LMX1A: variants seen among roughly 807,000 people sequenced by gnomAD.
LMX1A encodes the protein LIM homeobox transcription factor 1-alpha.
A neutral mutation model predicts 49.1 loss-of-function variants in LMX1A; 15 were observed. The ratio of observed to expected loss-of-function variants is 0.31; its 90% CI spans 0.20 to 0.47. The LOEUF (loss-of-function observed/expected upper bound fraction) is 0.47, where lower values mean the gene tolerates loss of function less well. Among genes scored for constraint, LMX1A ranks in the 20% least tolerant of loss-of-function variants. The pLI is 1.00. For synonymous variants in LMX1A, 167 were observed against 185.7 expected, an observed-to-expected ratio of 0.90 and a Z score of 0.82; for missense variants, 372 against 475.8, an observed-to-expected ratio of 0.78 and a Z score of 2.03.
At chr1:165,306,856 C>T (rs1399999340) in intron 3 of LMX1A, among the ~76,000 whole-genome samples, 1 of 152,202 alleles carries the variant, frequency 6.6e-6, no homozygotes, top group Non-Finnish European at 1.5e-5. Context: ...ACTCTCCAGT[C>T]CTTGTTGAAA....
intron 3 of LMX1A, among the ~76,000 whole-genome samples, chr1:165,312,059 T>C (rs543948693): frequency 6.6e-6 from 1 of 152,360 alleles, no homozygotes; most frequent in East Asian, 1.9e-4. Context: ...TGACAAATGA[T>C]AATTGCTTCT....
chr1:165,291,849 G>C (rs1010951404), intron 3 of LMX1A, among the ~76,000 whole-genome samples: 12 of 152,060 alleles, frequency 7.9e-5, no homozygotes, highest in Non-Finnish European at 1.5e-4. Context: ...GGATCACAAG[G>C]TCAGGAAATC....
At chr1:165,287,211 C>T (rs1362067091) in intron 3 of LMX1A, among the ~76,000 whole-genome samples, 1 of 152,132 alleles carries the variant, frequency 6.6e-6, no homozygotes, top group African/African-American at 2.4e-5. Context: ...TCCACCTGAT[C>T]CGGTCCAATC....
intron 3 of LMX1A, among the ~76,000 whole-genome samples, chr1:165,315,097 T>G (rs1177132207): frequency 6.6e-6 from 1 of 152,206 alleles, no homozygotes; most frequent in Non-Finnish European, 1.5e-5. Context: ...GCAAGGCACG[T>G]CTTATCAATT....
intron 3 of LMX1A, among the ~76,000 whole-genome samples, chr1:165,289,271 C>G (rs1382245254): frequency 6.6e-6 from 1 of 151,064 alleles, no homozygotes; most frequent in Non-Finnish European, 1.5e-5. Flanking sequence ...AGAGAGAGAG[C>G]CAGTTGCCTG....
intron 4 of LMX1A, among the ~76,000 whole-genome samples, chr1:165,243,399 A>G (rs1369803977): frequency 6.6e-6 from 1 of 152,206 alleles, no homozygotes; most frequent in Non-Finnish European, 1.5e-5. Flanking sequence ...TAATGAAATC[A>G]TGGGCTACAT....
At chr1:165,318,065 G>A (rs1403569412) in intron 3 of LMX1A, among the ~76,000 whole-genome samples, 3 of 152,164 alleles carry the variant, frequency 2.0e-5, no homozygotes, top group Non-Finnish European at 4.4e-5. Flanking sequence ...GAGAGGCTGA[G>A]GTAACTTTCT....
intron 6 of LMX1A, 177 bp downstream of exon 6, chr1:165,210,522 C>G (rs1191593423): frequency 4.7e-6 from 2 of 426,840 alleles, no homozygotes; most frequent in Non-Finnish European, 8.3e-6. Context: ...CTTCTCTCTC[C>G]CCTTCTGCAG....
chr1:165,347,989 C>T (rs1656299546), intron 3 of LMX1A, among the ~76,000 whole-genome samples: 1 of 127,036 alleles, frequency 7.9e-6, no homozygotes, highest in African/African-American at 2.5e-5. Flanking sequence ...TAAAAAGCAA[C>T]AATCAAGAGG....
At chr1:165,215,878 C>T (rs1457222443) in intron 4 of LMX1A, 1 of 152,128 alleles carries the variant, frequency 6.6e-6, no homozygotes, top group East Asian at 1.9e-4. Flanking sequence ...AACTACATAC[C>T]AACAACAATA....
chr1:165,255,898 G>A (rs775554356), intron 3 of LMX1A, among the ~76,000 whole-genome samples: 1 of 150,824 alleles, frequency 6.6e-6, no homozygotes. Context: ...GCTTGAACGC[G>A]GGAGGCAGAG....
rs1650889473 is a variant in LMX1A at position 165,202,504 on chromosome 1, C to T, written c.*1376G>A. The T allele has an allele frequency of 6.6e-6, 1 of 151,992 alleles. No homozygotes were observed. Among genetic ancestry groups the T allele is most frequent in the Admixed American group, 6.6e-5 (1 of 15,244 alleles). The allele number at this position is 151,992 out of a possible 1,614,324, so 9.4% of individuals were successfully genotyped here. A position where few individuals can be genotyped will look rare whatever the true frequency, so the allele number is the denominator to read the frequency against. ...CCAAACTTTTTCTGTAAGGGCCAGA[C>T]AATACAGATAGCAAATATTTCAGGC... is the stretch of plus-strand genomic sequence containing the variant. On this transcript the variant is annotated 3_prime_UTR_variant, in exon 9 of 9. Transcript: ENST00000342310.
chr1:165,279,740 C>T (rs1654089529), intron 3 of LMX1A, among the ~76,000 whole-genome samples: 1 of 152,164 alleles, frequency 6.6e-6, no homozygotes, highest in South Asian at 2.1e-4. Flanking sequence ...TTAGTTCCAA[C>T]AAATGACCAC....
chr1:165,350,552 AAAAC>A (rs1461968442), intron 3 of LMX1A, among the ~76,000 whole-genome samples: 9 of 151,878 alleles, frequency 5.9e-5, no homozygotes, highest in African/African-American at 1.2e-4. Context: ...TTTTTTTTAC[AAAAC>A]AAACAAACAA....
At chr1:165,212,996 C>T (rs941320957) in intron 5 of LMX1A, 5 of 152,396 alleles carry the variant, frequency 3.3e-5, no homozygotes, top group Middle Eastern at 3.4e-3. Context: ...GGAGCAGTCG[C>T]TTGGACACAG....
At chr1:165,234,559 A>T (rs1212556514) in intron 4 of LMX1A, among the ~76,000 whole-genome samples, 1 of 152,180 alleles carries the variant, frequency 6.6e-6, no homozygotes. Context: ...ACTAGTATCT[A>T]ACCCAGAGTC....
chr1:165,239,205 T>A (rs1468805385), intron 4 of LMX1A, among the ~76,000 whole-genome samples: 1 of 152,256 alleles, frequency 6.6e-6, no homozygotes, highest in African/African-American at 2.4e-5. Context: ...AAATATTAAC[T>A]TATGGTTTTC....
chr1:165,322,925 T>C (rs74118589), intron 3 of LMX1A, among the ~76,000 whole-genome samples: 3,870 of 152,308 alleles, frequency 0.025, 146 homozygotes, highest in African/African-American at 0.082. Flanking sequence ...CATTCCTTTT[T>C]ATTCATGTCC....
chr1:165,220,635 C>G (rs567278398), intron 4 of LMX1A, among the ~76,000 whole-genome samples: 1 of 152,154 alleles, frequency 6.6e-6, no homozygotes, highest in African/African-American at 2.4e-5. Context: ...CCAGAGGCAC[C>G]CCTGCAGGGA....
Sources: allele counts gnomAD v4.1 joint callset (sites outside exome capture counted in the v4.1 genomes callset), GRCh38; gene constraint gnomAD v4.1.1; transcripts MANE v1.5; gene names NCBI Gene and HGNC (gene_info 2026-07-23, HGNC 2026-07-21).